ST7L: variants seen among roughly 807,000 people sequenced by gnomAD.
The protein encoded by ST7L is suppressor of tumorigenicity 7 protein-like.
ST7L carries 57 observed loss-of-function variants against 72.5 expected under a neutral mutation model. That is an observed-to-expected ratio of 0.79 (90% confidence interval 0.64 to 0.98). ST7L has a LOEUF of 0.98. Ranked by LOEUF, ST7L falls within the 50% of genes least tolerant of loss-of-function variation. The probability of loss-of-function intolerance (pLI) is 0.00; values close to 1 mark genes in which losing one functional copy is unlikely to be tolerated. For missense variants in ST7L, 576 were observed against 672.2 expected (o/e 0.86, Z 1.58); for synonymous variants, 221 against 240.9 (o/e 0.92, Z 0.77).
At chr1:112,535,671 C>G (rs986266357) in intron 14 of ST7L, among the ~76,000 whole-genome samples, 1 of 150,646 alleles carries the variant, frequency 6.6e-6, no homozygotes, top group South Asian at 2.1e-4. Flanking sequence ...TGCAGTGAGC[C>G]GAGATGGCAC....
At chr1:112,577,238 A>G (rs1663249715) in intron 10 of ST7L, 150 bp from the exon 11 acceptor site, 1 of 448,796 alleles carries the variant, frequency 2.2e-6, no homozygotes, top group East Asian at 3.7e-5. Context: ...AAAAAAAAAA[A>G]TTAAAGCTGG....
At chr1:112,539,672 A>AAAC in intron 14 of ST7L, 1 of 948,948 alleles carries the variant, frequency 1.1e-6, no homozygotes, top group African/African-American at 1.8e-5. Flanking sequence ...AAAAAAAAAA[A>AAAC]AGAAAAAGAA....
chr1:112,574,143 T>C (rs558787313), intron 11 of ST7L, among the ~76,000 whole-genome samples: 2 of 149,818 alleles, frequency 1.3e-5, no homozygotes, highest in East Asian at 4.2e-4. Context: ...TCTTGAACTC[T>C]TGAGCTTAGG....
At chr1:112,520,466 C>A (rs372190907), downstream of ST7L, 7 of 1,614,082 alleles carry the variant, frequency 4.3e-6, no homozygotes, top group Middle Eastern at 1.6e-4. Context: ...GACGTCCATA[C>A]TTGCAAAGCC....
intron 4 of ST7L, among the ~76,000 whole-genome samples, chr1:112,599,221 T>C (rs1405775832): frequency 6.7e-6 from 1 of 150,204 alleles, no homozygotes; most frequent in Non-Finnish European, 1.5e-5. Flanking sequence ...CCTCAAACTT[T>C]GATTAAACAC....
At chr1:112,562,711 C>A (rs758786785) in intron 11 of ST7L, among the ~76,000 whole-genome samples, 1 of 151,870 alleles carries the variant, frequency 6.6e-6, no homozygotes, top group Non-Finnish European at 1.5e-5. Flanking sequence ...AGATACTGGC[C>A]CAGAATATGA....
chr1:112,603,005 G>A (rs1009614995), intron 3 of ST7L, among the ~76,000 whole-genome samples: 3 of 143,792 alleles, frequency 2.1e-5, no homozygotes, highest in East Asian at 2.5e-4. Context: ...GGCAGCCACC[G>A]CGCCCGGCCC....
chr1:112,583,923 C>T, intron 7 of ST7L, 49 bp downstream of exon 7: 1 of 1,561,994 alleles, frequency 6.4e-7, no homozygotes, highest in South Asian at 1.2e-5. Context: ...AAGACACAAG[C>T]AAATTACAGA....
chr1:112,542,228 T>C (rs948278010), intron 13 of ST7L, 138 bp from the exon 14 acceptor site: 1 of 793,162 alleles, frequency 1.3e-6, no homozygotes, highest in Non-Finnish European at 1.9e-6. Flanking sequence ...CTAAGCAAGG[T>C]AGAAGACAGT....
chr1:112,570,572 C>A (rs60579835), intron 11 of ST7L, among the ~76,000 whole-genome samples: 1 of 120,628 alleles, frequency 8.3e-6, no homozygotes, highest in Admixed American at 8.7e-5. Flanking sequence ...TATATATATA[C>A]ACACACACAT....
At chr1:112,561,642 G>A (rs896100278) in intron 11 of ST7L, among the ~76,000 whole-genome samples, 12 of 151,548 alleles carry the variant, frequency 7.9e-5, no homozygotes, top group Non-Finnish European at 1.6e-4. Flanking sequence ...CACCACACCT[G>A]GCTAATTTTG....
intron 12 of ST7L, among the ~76,000 whole-genome samples, chr1:112,551,468 G>C (rs950700504): frequency 6.6e-6 from 1 of 152,194 alleles, no homozygotes; most frequent in Non-Finnish European, 1.5e-5. Flanking sequence ...TCTTAATCTA[G>C]ATCAGGGGTC....
chr1:112,560,422 AC>A (rs1481596431), intron 11 of ST7L, among the ~76,000 whole-genome samples: 2 of 152,126 alleles, frequency 1.3e-5, no homozygotes, highest in Admixed American at 6.5e-5. Context: ...AAAAACAAAA[AC>A]AAAAAAGCAA....
Position 112,565,098 on chromosome 1 carries a change from G to A in ST7L, c.1246-9080C>T, listed in dbSNP as rs1317699851. On this transcript the variant is annotated intron_variant, in intron 11 of 14. Transcript: ENST00000358039. ...TTGCTCTTGTTGCCCAGGCTGGAGT[G>A]CAATGGCGCGATCTCGGCTCACTGC... 4.6e-5 allele frequency among the ~76,000 whole-genome samples: 7 copies of A among 150,966 alleles called. 1 individual carries two copies. Among genetic ancestry groups the A allele is most frequent in the African/African-American group, 1.7e-4 (7 of 41,180 alleles).
At chr1:112,587,124 C>A (rs917740333) in intron 6 of ST7L, among the ~76,000 whole-genome samples, 2 of 152,134 alleles carry the variant, frequency 1.3e-5, no homozygotes, top group African/African-American at 4.8e-5. Flanking sequence ...CCTATGCTTT[C>A]TTCTAAGAGT....
At chr1:112,529,454 T>C (rs748958296) in intron 14 of ST7L, 2 of 152,228 alleles carry the variant, frequency 1.3e-5, no homozygotes, top group African/African-American at 2.4e-5. Context: ...AATTTCCCTA[T>C]GTAATACAAA....
Position 112,525,784 on chromosome 1 carries a change from A to T in ST7L, c.*229T>A. On this transcript the variant is annotated 3_prime_UTR_variant, in exon 15 of 15. Coordinates refer to ENST00000358039, the MANE Select transcript of ST7L (RefSeq NM_017744.5). The stretch of plus-strand genomic sequence containing the variant: ...TGGCCAAACAGAAAGGCTAAGCTGA[A>T]TGAAGAAAAAAGGAAGACAATTTCA... The T allele has an allele frequency of 3.9e-6, 2 of 513,210 alleles. No individual in the cohort carries two copies. Among genetic ancestry groups the T allele is most frequent in the East Asian group, 7.1e-5 (2 of 28,154 alleles). 31.8% of individuals were successfully genotyped at this position (513,210 alleles called of 1,614,324 possible).
intron 14 of ST7L, 114 bp from the exon 15 acceptor site, chr1:112,526,225 T>C: frequency 7.0e-7 from 1 of 1,422,804 alleles, no homozygotes; most frequent in Non-Finnish European, 9.5e-7. Flanking sequence ...TCCTGAACCT[T>C]ATCAACCAAT....
At chr1:112,538,513 T>G (rs908151506) in intron 14 of ST7L, among the ~76,000 whole-genome samples, 1 of 152,154 alleles carries the variant, frequency 6.6e-6, no homozygotes, top group African/African-American at 2.4e-5. Flanking sequence ...TGGCTAATTT[T>G]TTTGTATATT....
Sources: allele counts gnomAD v4.1 joint callset (sites outside exome capture counted in the v4.1 genomes callset), GRCh38; gene constraint gnomAD v4.1.1; transcripts MANE v1.5; gene names NCBI Gene and HGNC (gene_info 2026-07-23, HGNC 2026-07-21).